The following ADGRL2 variants were observed in gnomAD, a reference collection of about 807,000 sequenced individuals.
ADGRL2 encodes the protein adhesion G protein-coupled receptor L2.
ADGRL2 carries 44 observed loss-of-function variants against 157.4 expected under a neutral mutation model. The observed-to-expected ratio is 0.28, with a 90% CI of 0.22 to 0.36. The LOEUF (loss-of-function observed/expected upper bound fraction) is 0.36, where lower values mean the gene tolerates loss of function less well. ADGRL2 is among the 10% of genes least tolerant of loss of function. The pLI, the probability that ADGRL2 is intolerant of heterozygous loss-of-function variation, is 1.00. For synonymous variants in ADGRL2, 585 were observed against 624.7 expected (o/e 0.94, Z 0.95); for missense variants, 1,510 against 1,768.9 (o/e 0.85, Z 2.63).
At chr1:81,802,943 T>C (rs1490575967) in intron 1 of ADGRL2, among the ~76,000 whole-genome samples, 2 of 151,844 alleles carry the variant, frequency 1.3e-5, no homozygotes, top group African/African-American at 4.8e-5. Flanking sequence ...GGGCTGCTGC[T>C]GCCAGGGCGG....
chr1:81,697,027 T>C (rs1294548643), upstream of ADGRL2, among the ~76,000 whole-genome samples: 3 of 152,160 alleles, frequency 2.0e-5, no homozygotes, highest in Non-Finnish European at 4.4e-5. Context: ...AACTGGATTT[T>C]TGCAAGTATT....
intron 3 of ADGRL2, among the ~76,000 whole-genome samples, chr1:81,927,946 G>T (rs1047210997): frequency 1.3e-5 from 2 of 151,868 alleles, no homozygotes; most frequent in Admixed American, 6.6e-5. Flanking sequence ...TTTTTGAAAA[G>T]ATTTGATTTA....
At chr1:81,543,637 C>T (rs997536201) in intron 2 of ADGRL2, among the ~76,000 whole-genome samples, 1 of 152,190 alleles carries the variant, frequency 6.6e-6, no homozygotes, top group African/African-American at 2.4e-5. Flanking sequence ...CTACGATAGC[C>T]TTCCTAATTC....
chr1:81,376,010 T>C (rs1208047134), intron 1 of ADGRL2, among the ~76,000 whole-genome samples: 2 of 152,202 alleles, frequency 1.3e-5, no homozygotes, highest in African/African-American at 4.8e-5. Context: ...TCCAGCATCA[T>C]TACGAAGATA....
intron 1 of ADGRL2, among the ~76,000 whole-genome samples, chr1:81,729,826 T>C (rs2084660409): frequency 6.6e-6 from 1 of 152,192 alleles, no homozygotes; most frequent in Non-Finnish European, 1.5e-5. Flanking sequence ...ATTCTGGCCA[T>C]ATACTCTGGG....
At chr1:81,824,340 TC>T (rs2091269834) in intron 1 of ADGRL2, among the ~76,000 whole-genome samples, 1 of 152,186 alleles carries the variant, frequency 6.6e-6, no homozygotes, top group South Asian at 2.1e-4. Context: ...AGTGGCCTGA[TC>T]ATAGCTCACT....
intron 1 of ADGRL2, among the ~76,000 whole-genome samples, chr1:81,325,413 T>G (rs540078784): frequency 6.6e-6 from 1 of 152,310 alleles, no homozygotes; most frequent in East Asian, 1.9e-4. Flanking sequence ...TATAAAGTTT[T>G]AAGACATTGA....
intron 1 of ADGRL2, among the ~76,000 whole-genome samples, chr1:81,375,731 G>A (rs2076237479): frequency 6.6e-6 from 1 of 152,090 alleles, no homozygotes; most frequent in East Asian, 1.9e-4. Context: ...ATGTCCAAAA[G>A]TATCCCCTTA....
intron 2 of ADGRL2, among the ~76,000 whole-genome samples, chr1:81,544,775 T>G (rs1313773871): frequency 6.6e-6 from 1 of 152,194 alleles, no homozygotes; most frequent in African/African-American, 2.4e-5. Context: ...TAAACAATAG[T>G]GAGCCACTAC....
intron 17 of ADGRL2, among the ~76,000 whole-genome samples, chr1:81,974,976 G>T (rs1433934733): frequency 6.6e-6 from 1 of 151,810 alleles, no homozygotes; most frequent in Non-Finnish European, 1.5e-5. Flanking sequence ...GTCCCAGTTT[G>T]ATGACTTACT....
At chr1:81,822,150 T>G (rs2091049102) in intron 1 of ADGRL2, among the ~76,000 whole-genome samples, 1 of 151,564 alleles carries the variant, frequency 6.6e-6, no homozygotes, top group African/African-American at 2.4e-5. Context: ...GTTGTCTGTC[T>G]TATAATTTTG....
At chr1:81,681,807 G>A (rs1460596283) in intron 3 of ADGRL2, among the ~76,000 whole-genome samples, 1 of 152,090 alleles carries the variant, frequency 6.6e-6, no homozygotes, top group East Asian at 1.9e-4. Context: ...TTATAAAATG[G>A]ATGATTCATA....
At chr1:81,794,163 A>C (rs2149429417) in intron 2 of ADGRL2, among the ~76,000 whole-genome samples, 1 of 152,334 alleles carries the variant, frequency 6.6e-6, no homozygotes, top group Non-Finnish European at 1.5e-5. Context: ...ATAAGAAATT[A>C]GCTTTTCTTG....
chr1:81,393,356 GAAA>G (rs33999150), intron 1 of ADGRL2, among the ~76,000 whole-genome samples: 4 of 132,194 alleles, frequency 3.0e-5, no homozygotes, highest in Non-Finnish European at 4.8e-5. Flanking sequence ...ATGCCCCAGG[GAAA>G]AAAAAAAAAA....
intron 1 of ADGRL2, chr1:81,426,853 A>C: frequency 1.7e-6 from 1 of 581,402 alleles, no homozygotes; most frequent in Non-Finnish European, 3.2e-6. Flanking sequence ...TGGTGGTATT[A>C]AAGAAGATAC....
intron 2 of ADGRL2, among the ~76,000 whole-genome samples, chr1:81,554,509 G>T (rs12090609): frequency 1.3e-5 from 2 of 150,956 alleles, no homozygotes; most frequent in African/African-American, 4.9e-5. Flanking sequence ...AAAAATTTTT[G>T]AATGTAATAA....
chr1:81,981,167 G>A (rs1342286489), intron 18 of ADGRL2: 2 of 394,802 alleles, frequency 5.1e-6, no homozygotes, highest in Admixed American at 5.9e-5. Context: ...TCATTAGTTA[G>A]ACATGGAATG....
intron 14 of ADGRL2, 90 bp downstream of exon 14, chr1:81,968,289 C>G: frequency 9.0e-7 from 1 of 1,114,620 alleles, no homozygotes; most frequent in South Asian, 1.3e-5. Flanking sequence ...GGGTGCTTAC[C>G]GTAACTAAAA....
chr1:81,874,605 CTTGT>C (rs1365311429), intron 2 of ADGRL2, among the ~76,000 whole-genome samples: 2 of 145,122 alleles, frequency 1.4e-5, no homozygotes, highest in Non-Finnish European at 3.0e-5. Context: ...CTTGTCTTGT[CTTGT>C]TTGTCTTGTC....
Sources: gnomAD v4.1 joint callset for allele counts (sites outside exome capture counted in the v4.1 genomes callset) on GRCh38, gnomAD v4.1.1 for gene constraint, MANE v1.5 for transcripts, NCBI Gene and HGNC (gene_info 2026-07-23, HGNC 2026-07-21) for gene names.